The following CPAMD8 variants were observed in gnomAD, a reference collection of about 807,000 sequenced individuals.
The protein encoded by CPAMD8 is C3 and PZP like alpha-2-macroglobulin domain containing 8.
CPAMD8 carries 146 observed loss-of-function variants against 224.7 expected under a neutral mutation model. The ratio of observed to expected loss-of-function variants is 0.65; its 90% CI spans 0.57 to 0.75. The LOEUF is 0.75. CPAMD8 is among the 30% of genes least tolerant of loss of function. The probability of loss-of-function intolerance (pLI) is 0.00; values close to 1 mark genes in which losing one functional copy is unlikely to be tolerated. For synonymous variants in CPAMD8, 966 were observed against 1,044.6 expected, an observed-to-expected ratio of 0.92 and a Z score of 1.45; for missense variants, 2,301 against 2,537.5, an observed-to-expected ratio of 0.91 and a Z score of 2.00.
chr19:16,957,983 C>T (rs949410186), intron 18 of CPAMD8, 68 bp from the exon 19 acceptor site: 1 of 1,410,694 alleles, frequency 7.1e-7, no homozygotes, highest in African/African-American at 1.4e-5. Context: ...AACCTAGCAG[C>T]TTTGCATTCT....
At chr19:16,961,510 G>A (rs2054656336) in intron 18 of CPAMD8, among the ~76,000 whole-genome samples, 1 of 152,254 alleles carries the variant, frequency 6.6e-6, no homozygotes, top group Admixed American at 6.5e-5. Flanking sequence ...AAAGTGGCTG[G>A]GAAGCTTAAA....
At chr19:16,904,176 A>AGGGCCCCC in intron 32 of CPAMD8, 50 bp downstream of exon 32, 38 of 937,324 alleles carry the variant, frequency 4.1e-5, no homozygotes, top group Non-Finnish European at 5.5e-5. Flanking sequence ...GACTGCAGGG[A>AGGGCCCCC]CCCCACCCAC....
chr19:16,894,276 C>A (rs1278068139), intron 41 of CPAMD8: 6 of 405,710 alleles, frequency 1.5e-5, no homozygotes, highest in Admixed American at 1.3e-4. Context: ...ACGGGCAGAT[C>A]TCTGTCATTC....
intron 22 of CPAMD8, among the ~76,000 whole-genome samples, chr19:16,942,518 T>C (rs2053935324): frequency 6.6e-6 from 1 of 152,172 alleles, no homozygotes; most frequent in Admixed American, 6.5e-5. Flanking sequence ...CTCAGGTATT[T>C]CTTTATAGCA....
chr19:16,963,614 A>G (rs1325518807), intron 18 of CPAMD8, among the ~76,000 whole-genome samples: 1 of 151,948 alleles, frequency 6.6e-6, no homozygotes, highest in African/African-American at 2.4e-5. Flanking sequence ...ACACCCCTCT[A>G]TCAATATTAG....
rs367571241 is a variant in CPAMD8, at chr19:16,906,922, T to C, written c.4027+30A>G. 1.3e-4 allele frequency: 208 copies of C among 1,563,386 alleles called. 1 individual carries two copies. Among genetic ancestry groups the C allele is most frequent in the Middle Eastern group, 1.2e-3 (7 of 5,988 alleles). On this transcript the variant is annotated intron_variant, in intron 30 of 41. Transcript: ENST00000443236. ...CTCCACAGTGGGCTTCCCGACGCTG[T>C]GGCCTCTGGGGAGGGCCAGGGACAC...
At chr19:16,906,407 T>TTTCTTTCCTTCCTTCCTTCC (rs1196710399) in intron 30 of CPAMD8, among the ~76,000 whole-genome samples, 3 of 69,862 alleles carry the variant, frequency 4.3e-5, no homozygotes, top group African/African-American at 1.9e-4. Flanking sequence ...TCTTTCTTTC[T>TTTCTTTCCTTCCTTCCTTCC]TTCCTTCCTT....
In CPAMD8 at chr19:16,938,957, C is replaced by A. The variant is rs117727918; in HGVS notation, c.2794-511G>T. Among the ~76,000 whole-genome samples, 126 of 152,238 alleles carry A rather than the reference C, an allele frequency of 8.3e-4. 4 individuals carry two copies. The East Asian group carries it at 0.016, about 20-fold the overall frequency. On this transcript the variant is annotated intron_variant, in intron 22 of 41. Coordinates refer to ENST00000443236, the MANE Select transcript of CPAMD8 (RefSeq NM_015692.5). ...TCATTTCTGCTTCTTCTATGGATGA[C>A]CCCAAATACCAGAAGGCAGCTGTCT...
At chr19:17,009,177 C>T (rs2123119101) in intron 6 of CPAMD8, 126 bp downstream of exon 6, 2 of 1,538,620 alleles carry the variant, frequency 1.3e-6, no homozygotes, top group South Asian at 2.3e-5. Flanking sequence ...GAGGCCAGGT[C>T]CCAGCCTTGT....
At chr19:16,977,242 C>A in intron 15 of CPAMD8, 126 bp downstream of exon 15, 1 of 671,820 alleles carries the variant, frequency 1.5e-6, no homozygotes, top group African/African-American at 1.8e-5. Context: ...CTCATGTTCC[C>A]ATAATTCCTT....
chr19:16,952,610 G>A (rs2054334107), intron 19 of CPAMD8, among the ~76,000 whole-genome samples: 1 of 152,274 alleles, frequency 6.6e-6, no homozygotes, highest in Non-Finnish European at 1.5e-5. Flanking sequence ...CCAGGTGGTC[G>A]AGGGTGCAGT....
At chr19:17,026,064 C>T (rs1043049795) in intron 1 of CPAMD8, among the ~76,000 whole-genome samples, 1 of 152,178 alleles carries the variant, frequency 6.6e-6, no homozygotes, top group East Asian at 1.9e-4. Flanking sequence ...CTTAGCAGTA[C>T]TCCCCAGCAG....
intron 16 of CPAMD8, among the ~76,000 whole-genome samples, chr19:16,975,537 C>T (rs569158398): frequency 5.3e-5 from 8 of 151,986 alleles, no homozygotes; most frequent in East Asian, 1.9e-4. Context: ...CAAGACCCCG[C>T]CCCTACAAAA....
intron 18 of CPAMD8, among the ~76,000 whole-genome samples, chr19:16,962,343 T>C (rs544210575): frequency 1.0e-3 from 153 of 152,142 alleles, no homozygotes; most frequent in African/African-American, 3.4e-3. Context: ...AGAGAAGAAC[T>C]TAAATGACCT....
chr19:17,004,674 C>T lies in CPAMD8; in HGVS notation c.560-288G>A, dbSNP rs183916576. Among the ~76,000 whole-genome samples the T allele has an allele frequency of 3.4e-4, 51 of 152,226 alleles. No individual in the cohort carries two copies. The East Asian group carries it at 8.7e-3, about 26-fold the overall frequency. ...GGCCAGGGGCAGGCAGTGAGCTGGA[C>T]AAACGAGGGAAATGAGCCAGCCCGG... is the stretch of plus-strand genomic sequence containing the variant. On this transcript the variant is annotated intron_variant, in intron 7 of 41. Coordinates refer to ENST00000443236, the MANE Select transcript of CPAMD8 (RefSeq NM_015692.5).
chr19:17,004,085 T>C (rs2056414796), intron 8 of CPAMD8, among the ~76,000 whole-genome samples, 188 bp downstream of exon 8: 2 of 151,906 alleles, frequency 1.3e-5, no homozygotes, highest in African/African-American at 4.8e-5. Flanking sequence ...TTTGTATTTT[T>C]AGTAGACACG....
chr19:16,944,101 T>C (rs973906615), intron 22 of CPAMD8, among the ~76,000 whole-genome samples: 1 of 152,162 alleles, frequency 6.6e-6, no homozygotes, highest in African/African-American at 2.4e-5. Context: ...TGATGGGCCG[T>C]GCACAGATGA....
intron 22 of CPAMD8, among the ~76,000 whole-genome samples, chr19:16,944,440 C>G (rs1011885858): frequency 6.6e-6 from 1 of 152,180 alleles, no homozygotes; most frequent in African/African-American, 2.4e-5. Flanking sequence ...AAGAGTCCCC[C>G]TGTGTGCATT....
intron 21 of CPAMD8, 99 bp downstream of exon 21, chr19:16,946,975 C>G (rs1200695780): frequency 7.0e-6 from 9 of 1,292,508 alleles, no homozygotes; most frequent in Non-Finnish European, 8.6e-6. Context: ...CTGACCTTAC[C>G]TGCTGCCCCA....
Sources: gnomAD v4.1 joint callset for allele counts (sites outside exome capture counted in the v4.1 genomes callset) on GRCh38, gnomAD v4.1.1 for gene constraint, MANE v1.5 for transcripts, NCBI Gene and HGNC (gene_info 2026-07-23, HGNC 2026-07-21) for gene names.